Variants in ABTB3 observed in about 807,000 individuals in gnomAD.
ABTB3 encodes ankyrin repeat and BTB domain containing 3, also known as ankyrin repeat- and BTB/POZ domain-containing protein 3.
chr12:107,497,532 T>A, the ABTB3 span, among the ~76,000 whole-genome samples: 1 of 150,148 alleles, frequency 6.7e-6, no homozygotes, highest in Non-Finnish European at 1.5e-5. Flanking sequence ...ACCACCATCA[T>A]CCCACAACCA....
the ABTB3 span, among the ~76,000 whole-genome samples, chr12:107,500,063 G>A: frequency 6.6e-6 from 1 of 152,116 alleles, no homozygotes; most frequent in Non-Finnish European, 1.5e-5. Flanking sequence ...AACAGCCATG[G>A]AGGAAATCAC....
At chr12:107,448,802 C>T in the ABTB3 span, among the ~76,000 whole-genome samples, 1 of 152,088 alleles carries the variant, frequency 6.6e-6, no homozygotes, top group Non-Finnish European at 1.5e-5. Flanking sequence ...CACACCTGGC[C>T]TCAGGTGGTC....
At chr12:107,631,921 T>A in the ABTB3 span, among the ~76,000 whole-genome samples, 1 of 152,180 alleles carries the variant, frequency 6.6e-6, no homozygotes, top group African/African-American at 2.4e-5. Context: ...TTCCATACCG[T>A]CCTCTTTGGA....
chr12:107,346,130 C>T, the ABTB3 span, among the ~76,000 whole-genome samples: 1 of 152,188 alleles, frequency 6.6e-6, no homozygotes, highest in Non-Finnish European at 1.5e-5. Flanking sequence ...TCCAGCTGCC[C>T]TGCACACTGG....
At chr12:107,319,293 C>G in the ABTB3 span, 3 of 1,542,526 alleles carry the variant, frequency 1.9e-6, no homozygotes, top group Non-Finnish European at 1.7e-6. Flanking sequence ...CGGGCAGGCC[C>G]GGCGGTCCCC....
chr12:107,349,727 A>T, the ABTB3 span, among the ~76,000 whole-genome samples: 1 of 152,228 alleles, frequency 6.6e-6, no homozygotes, highest in East Asian at 1.9e-4. Context: ...GTATGTCCCA[A>T]GTATTGCATG....
the ABTB3 span, among the ~76,000 whole-genome samples, chr12:107,470,649 G>A: frequency 3.3e-5 from 5 of 152,192 alleles, no homozygotes; most frequent in East Asian, 1.9e-4. Flanking sequence ...CAGGGTCACC[G>A]CTGGGCCTCG....
At chr12:107,607,412 C>T in the ABTB3 span, among the ~76,000 whole-genome samples, 1 of 152,172 alleles carries the variant, frequency 6.6e-6, no homozygotes, top group East Asian at 1.9e-4. Context: ...CCCCCACTGC[C>T]GGGGTAGCCC....
chr12:107,620,252 C>G, the ABTB3 span: 1 of 1,506,888 alleles, frequency 6.6e-7, no homozygotes, highest in Non-Finnish European at 9.0e-7. Context: ...CCTGCTGTTC[C>G]CCTTTGAGTG....
the ABTB3 span, among the ~76,000 whole-genome samples, chr12:107,377,977 A>T: frequency 6.6e-6 from 1 of 152,230 alleles, no homozygotes; most frequent in Non-Finnish European, 1.5e-5. Flanking sequence ...TAAGTGAATC[A>T]TCTGGTAGGG....
At chr12:107,521,482 G>A in the ABTB3 span, among the ~76,000 whole-genome samples, 1 of 152,036 alleles carries the variant, frequency 6.6e-6, no homozygotes, top group African/African-American at 2.4e-5. Context: ...TCACAAGAGG[G>A]TTTGCCAAGG....
chr12:107,570,353 G>A, the ABTB3 span, among the ~76,000 whole-genome samples: 3 of 152,036 alleles, frequency 2.0e-5, no homozygotes, highest in Non-Finnish European at 2.9e-5. Flanking sequence ...TACCGGGACT[G>A]CAGGCACACG....
the ABTB3 span, among the ~76,000 whole-genome samples, chr12:107,381,035 AC>A: frequency 1.3e-5 from 2 of 152,102 alleles, no homozygotes; most frequent in Non-Finnish European, 2.9e-5. Context: ...CTGTTTGGAG[AC>A]CACTGGTTTA....
chr12:107,533,257 A>T, the ABTB3 span, among the ~76,000 whole-genome samples: 1 of 152,172 alleles, frequency 6.6e-6, no homozygotes, highest in Admixed American at 6.5e-5. Flanking sequence ...AAATGACAGG[A>T]ATAAGTTTTC....
chr12:107,502,017 TC>T, the ABTB3 span, among the ~76,000 whole-genome samples: 1 of 151,756 alleles, frequency 6.6e-6, no homozygotes, highest in Non-Finnish European at 1.5e-5. Context: ...CTGGGTGATG[TC>T]CCCAGAAATT....
At chr12:107,385,594 G>T in the ABTB3 span, among the ~76,000 whole-genome samples, 1 of 152,160 alleles carries the variant, frequency 6.6e-6, no homozygotes, top group African/African-American at 2.4e-5. Context: ...CCCGAGGTGT[G>T]GTGCTTGCTG....
chr12:107,621,868 A>C, the ABTB3 span, among the ~76,000 whole-genome samples: 3 of 152,224 alleles, frequency 2.0e-5, no homozygotes, highest in African/African-American at 4.8e-5. Context: ...GATTATAAGA[A>C]TCTACAGGCT....
At chr12:107,500,786 T>C in the ABTB3 span, among the ~76,000 whole-genome samples, 1 of 152,092 alleles carries the variant, frequency 6.6e-6, no homozygotes, top group South Asian at 2.1e-4. Context: ...CTGGCTACAG[T>C]CTTTTGTCAC....
At chr12:107,386,728 C>T in the ABTB3 span, among the ~76,000 whole-genome samples, 108 of 152,260 alleles carry the variant, frequency 7.1e-4, no homozygotes, top group African/African-American at 1.5e-3. Context: ...TGTCCCTGAG[C>T]GGCTGGCTGC....
Sources: allele counts gnomAD v4.1 joint callset (sites outside exome capture counted in the v4.1 genomes callset), GRCh38; gene constraint gnomAD v4.1.1; transcripts MANE v1.5; gene names NCBI Gene and HGNC (gene_info 2026-07-23, HGNC 2026-07-21).